The following ATL3 variants were observed in gnomAD, a reference collection of about 807,000 sequenced individuals.
ATL3 encodes the protein atlastin-3.
ATL3 carries 49 observed loss-of-function variants against 69.5 expected under a neutral mutation model. The ratio of observed to expected loss-of-function variants is 0.71; its 90% CI spans 0.56 to 0.89. The LOEUF is 0.89. Among genes scored for constraint, ATL3 ranks in the 40% least tolerant of loss-of-function variants. The probability of loss-of-function intolerance (pLI) is 0.00; values close to 1 mark genes in which losing one functional copy is unlikely to be tolerated. For missense variants in ATL3, 606 were observed against 645.7 expected (o/e 0.94, Z 0.67); for synonymous variants, 214 against 224.1 (o/e 0.95, Z 0.40).
intron 1 of ATL3, among the ~76,000 whole-genome samples, chr11:63,664,653 C>T (rs578485): frequency 2.0e-5 from 3 of 149,390 alleles, no homozygotes; most frequent in Non-Finnish European, 4.4e-5. Context: ...GACGGAGTCT[C>T]GCTCTGTTGC....
In ATL3 at chr11:63,628,223, T is replaced by C. The variant is rs1939183187; in HGVS notation, c.*1096A>G. 1 of 152,122 alleles carries C rather than the reference T, an allele frequency of 6.6e-6. No homozygotes were observed. The highest frequency in any genetic ancestry group is 1.5e-5 in the Non-Finnish European group (1 of 68,010). 9.4% of individuals were successfully genotyped at this position (152,122 alleles called of 1,614,324 possible). On this transcript the variant is annotated 3_prime_UTR_variant, in exon 13 of 13. Transcript: ENST00000398868. ...TCACATGGTTCATTTAAACTTAGCTTTTTTCTTGAAGTATCTAGCGCATTC... is the reference window on the plus strand; with the variant it reads ...TCACATGGTTCATTTAAACTTAGCTCTTTTCTTGAAGTATCTAGCGCATTC...
chr11:63,633,230 T>G, intron 10 of ATL3, 133 bp from the exon 11 acceptor site: 1 of 700,348 alleles, frequency 1.4e-6, no homozygotes, highest in Non-Finnish European at 2.4e-6. Context: ...GATTTCCATA[T>G]AGTTCAACTG....
chr11:63,646,433 C>T (rs1939882247), intron 6 of ATL3, 74 bp downstream of exon 6: 1 of 883,782 alleles, frequency 1.1e-6, no homozygotes, highest in East Asian at 2.6e-5. Context: ...TAGATTTGGC[C>T]TATGAGCTGT....
rs377344107 is a variant in ATL3 at position 63,669,017 on chromosome 11, G to C, written c.46+2273C>G. 7.0e-4 allele frequency among the ~76,000 whole-genome samples: 99 copies of C among 141,532 alleles called. 6 individuals carry two copies. Among genetic ancestry groups the C allele is most frequent in the Non-Finnish European group, 1.3e-3 (83 of 63,838 alleles). 92.9% of individuals were successfully genotyped at this position (141,532 alleles called of 152,430 possible). On this transcript the variant is annotated intron_variant, in intron 1 of 12. Transcript: ENST00000398868. Reference sequence around the variant, plus strand: ...TTTTTTTTAATTTTTTTTTGGGTGGGGGGGGGCGTCTCACCATGTTGGCCA... The same window carrying C: ...TTTTTTTTAATTTTTTTTTGGGTGGCGGGGGGCGTCTCACCATGTTGGCCA...
At chr11:63,630,660 G>A (rs901508516) in intron 12 of ATL3, among the ~76,000 whole-genome samples, 1 of 151,536 alleles carries the variant, frequency 6.6e-6, no homozygotes, top group Non-Finnish European at 1.5e-5. Context: ...GCGGGCCGTG[G>A]TGGCACACAC....
intron 1 of ATL3, among the ~76,000 whole-genome samples, chr11:63,668,965 C>G (rs1029198659): frequency 6.8e-6 from 1 of 147,152 alleles, no homozygotes; most frequent in Admixed American, 6.9e-5. Context: ...GCCAGAACTA[C>G]AGGCCTGCAA....
At position 63,631,295 on chromosome 11, in the gene ATL3, G is replaced by A. The variant is rs1448255463; in HGVS notation, c.1284C>T (p.Phe428=). The A allele has an allele frequency of 1.2e-6, 2 of 1,614,110 alleles. No individual in the cohort carries two copies. Among genetic ancestry groups the A allele is most frequent in the African/African-American group, 1.3e-5 (1 of 74,944 alleles). Residue 428 remains phenylalanine, a synonymous_variant, in exon 12 of 13, where the codon TTC becomes TTT. Transcript: ENST00000398868. ...EEEIKELYEN[F]CKHNGSKNVF... ...CGTTCTTGCTACCATTGTGCTTGCA[G>A]AAGTTCTCATATAATTCCTTGATTT...
intron 1 of ATL3, among the ~76,000 whole-genome samples, chr11:63,664,321 T>C (rs187571471): frequency 6.6e-6 from 1 of 152,056 alleles, no homozygotes; most frequent in African/African-American, 2.4e-5. Flanking sequence ...GGCAGGTCAC[T>C]TGAGGTCAGG....
At chr11:63,661,069 A>G (rs550228597) in intron 1 of ATL3, among the ~76,000 whole-genome samples, 1 of 151,898 alleles carries the variant, frequency 6.6e-6, no homozygotes, top group Non-Finnish European at 1.5e-5. Context: ...AGAAAAAAAA[A>G]AAAATTAGCC....
chr11:63,654,145 ATTTG>A (rs1940164703), intron 3 of ATL3, among the ~76,000 whole-genome samples: 1 of 149,156 alleles, frequency 6.7e-6, no homozygotes, highest in Non-Finnish European at 1.5e-5. Context: ...TAAAGATACA[ATTTG>A]TTTTTTTTTT....
intron 1 of ATL3, among the ~76,000 whole-genome samples, chr11:63,665,562 T>C (rs1376295604): frequency 1.3e-5 from 2 of 152,028 alleles, no homozygotes; most frequent in Non-Finnish European, 2.9e-5. Flanking sequence ...ACCAGTAATA[T>C]AAGCATGATT....
intron 2 of ATL3, 67 bp from the exon 3 acceptor site, chr11:63,658,971 A>G (rs576772337): frequency 1.2e-6 from 2 of 1,600,130 alleles, no homozygotes; most frequent in African/African-American, 2.7e-5. Context: ...ATAATCTATG[A>G]GCTTATTTCG....
intron 7 of ATL3, among the ~76,000 whole-genome samples, 185 bp downstream of exon 7, chr11:63,643,984 T>A (rs535872506): frequency 6.6e-6 from 1 of 152,380 alleles, no homozygotes; most frequent in South Asian, 2.1e-4. Flanking sequence ...CTACAGTTCC[T>A]GTGTACTGTA....
In ATL3 at chr11:63,658,798, C is replaced by T; in HGVS notation, c.368G>A (p.Ser123Asn). 6.2e-7 allele frequency: 1 copy of T among 1,611,914 alleles called. No homozygotes were observed. The highest frequency in any genetic ancestry group is 8.5e-7 in the Non-Finnish European group (1 of 1,179,298). The change falls in exon 3 of 13, where the codon AGT becomes AAT. Residue 123 changes from serine (S) to asparagine (N), a missense_variant. By Grantham distance (46) the Ser-to-Asn change is conservative (BLOSUM62 1). Coordinates refer to ENST00000398868, the MANE Select transcript of ATL3 (RefSeq NM_015459.5). ...DPETTGIQIWSEVFTVEKPGG... is the reference protein window; with the variant it reads ...DPETTGIQIWNEVFTVEKPGG... ...TGGCTTCTCCACAGTGAAAACTTCACTCCAGATTTGAATCCCAGTGGTTTC... is the reference window on the plus strand; with the variant it reads ...TGGCTTCTCCACAGTGAAAACTTCATTCCAGATTTGAATCCCAGTGGTTTC...
Position 63,659,130 on chromosome 11 carries a change from C to T in ATL3, c.169G>A (p.Asp57Asn), listed in dbSNP as rs1201997467. ...ASILLQDHIR[D>N]LDVVVVSVAG... is the part of the protein sequence containing the mutation. Reference sequence around the variant, plus strand: ...ACTGAAACCACCACCACATCAAGATCTCGGATGTGGTCCTGCAAGAGGATG... The same window carrying T: ...ACTGAAACCACCACCACATCAAGATTTCGGATGTGGTCCTGCAAGAGGATG... Residue 57 changes from aspartate (D) to asparagine (N), a missense_variant, in exon 2 of 13, where the codon GAT becomes AAT. Transcript: ENST00000398868. 6.2e-7 allele frequency: 1 copy of T among 1,614,052 alleles called. No homozygotes were observed. The highest frequency in any genetic ancestry group is 8.5e-7 in the Non-Finnish European group (1 of 1,179,982).
intron 3 of ATL3, among the ~76,000 whole-genome samples, chr11:63,655,198 G>A (rs143346225): frequency 2.0e-5 from 3 of 151,950 alleles, no homozygotes; most frequent in Admixed American, 6.6e-5. Flanking sequence ...CATTACTGAG[G>A]CAAGACTGAG....
At chr11:63,643,596 G>C (rs1207621918) in intron 7 of ATL3, 101 bp from the exon 8 acceptor site, 1 of 1,101,882 alleles carries the variant, frequency 9.1e-7, no homozygotes, top group Non-Finnish European at 1.3e-6. Flanking sequence ...CCTCAACTCT[G>C]ATGGATCATA....
chr11:63,671,770 A>G, upstream of ATL3: 7 of 1,175,826 alleles, frequency 6.0e-6, no homozygotes, highest in Non-Finnish European at 7.5e-6. Flanking sequence ...ACTGAACTAC[A>G]ACTCCCAGCA....
intron 8 of ATL3, chr11:63,637,834 C>T (rs1939570027): frequency 6.6e-6 from 1 of 152,124 alleles, no homozygotes; most frequent in South Asian, 2.1e-4. Context: ...GGGAAAAATA[C>T]TTTATAACCT....
Sources: allele counts gnomAD v4.1 joint callset (sites outside exome capture counted in the v4.1 genomes callset), GRCh38; gene constraint gnomAD v4.1.1; transcripts MANE v1.5; gene names NCBI Gene and HGNC (gene_info 2026-07-23, HGNC 2026-07-21).